The following TCERG1L variants were observed in gnomAD, a reference collection of about 807,000 sequenced individuals.
The protein encoded by TCERG1L is transcription elongation regulator 1-like protein.
Under a neutral mutation model 56.3 loss-of-function variants are expected in TCERG1L, and 37 were observed. That is an observed-to-expected ratio of 0.66 (90% CI 0.51 to 0.87). The LOEUF is 0.87. Ranked by LOEUF, TCERG1L falls within the 40% of genes least tolerant of loss-of-function variation. The pLI, the probability that TCERG1L is intolerant of heterozygous loss-of-function variation, is 0.00. For missense variants in TCERG1L, 799 were observed against 774.2 expected (o/e 1.03, Z -0.38); for synonymous variants, 324 against 326.3 (o/e 0.99, Z 0.08).
At chr10:131,228,825 T>C (rs2918165) in intron 4 of TCERG1L, among the ~76,000 whole-genome samples, 85 of 52,700 alleles carry the variant, frequency 1.6e-3, no homozygotes, top group African/African-American at 3.1e-3. Flanking sequence ...TCCGGAGTCT[T>C]CCCTCCAGAC....
Position 131,296,250 on chromosome 10 carries a change from G to A in TCERG1L, c.670+11961C>T, listed in dbSNP as rs1249759021. Among the ~76,000 whole-genome samples the A allele has an allele frequency of 3.3e-5, 5 of 152,164 alleles. No individual in the cohort carries two copies. In the East Asian group the frequency reaches 7.7e-4, roughly 23 times the overall value. On this transcript the variant is annotated intron_variant, in intron 3 of 11. Transcript: ENST00000368642. ...TTCAGAATTTAGTTTTTGGTTTCAC[G>A]ACTCGATCAACCATCTATTTTGAGT...
In TCERG1L at chr10:131,122,322, G is replaced by A. The variant is rs12572603; in HGVS notation, c.1260-5388C>T. 5.2e-3 allele frequency among the ~76,000 whole-genome samples: 799 copies of A among 152,250 alleles called. 41 individuals carry two copies. In the East Asian group the frequency reaches 0.12, roughly 22 times the overall value. On this transcript the variant is annotated intron_variant, in intron 8 of 11. Transcript: ENST00000368642. The stretch of plus-strand genomic sequence containing the variant: ...TCTTAGTTTCAAGGAAGGGGCTGGC[G>A]TGTCAGGAAACACCAGCCCTGAAGA...
chr10:131,151,110 C>T lies in TCERG1L; in HGVS notation c.1035-4450G>A, dbSNP rs139015973. On this transcript the variant is annotated intron_variant, in intron 6 of 11. Transcript: ENST00000368642. ...TGAGATTTGGGTGGGGACACAAAGCCAAACCATATCATTCCACCACTGGTC... is the reference window on the plus strand; with the variant it reads ...TGAGATTTGGGTGGGGACACAAAGCTAAACCATATCATTCCACCACTGGTC... Among the ~76,000 whole-genome samples, 14 of 152,300 alleles carry T rather than the reference C, an allele frequency of 9.2e-5. No homozygotes were observed. The East Asian group carries it at 2.7e-3, about 29-fold the overall frequency.
At chr10:131,273,925 A>G (rs1263860791) in intron 3 of TCERG1L, among the ~76,000 whole-genome samples, 1 of 152,236 alleles carries the variant, frequency 6.6e-6, no homozygotes, top group Non-Finnish European at 1.5e-5. Context: ...TTCCCCCGTG[A>G]AAAGCTTCCC....
chr10:131,093,619 C>G (rs531826245), intron 11 of TCERG1L, among the ~76,000 whole-genome samples: 7 of 152,218 alleles, frequency 4.6e-5, no homozygotes, highest in African/African-American at 1.7e-4. Context: ...CTCCCCCAGC[C>G]GCCCCGATCA....
intron 4 of TCERG1L, among the ~76,000 whole-genome samples, chr10:131,233,457 GACACACAC>G (rs143588165): frequency 4.0e-5 from 6 of 149,876 alleles, no homozygotes; most frequent in Non-Finnish European, 7.4e-5. Context: ...CATGCACACA[GACACACAC>G]ACACACACAG....
intron 8 of TCERG1L, among the ~76,000 whole-genome samples, chr10:131,131,038 G>C (rs781657167): frequency 1.2e-4 from 19 of 152,152 alleles, no homozygotes; most frequent in Non-Finnish European, 2.2e-4. Context: ...ACCCACGCAA[G>C]CTACACTGTG....
chr10:131,119,285 C>A (rs1353896257), intron 8 of TCERG1L, among the ~76,000 whole-genome samples: 2 of 152,028 alleles, frequency 1.3e-5, no homozygotes, highest in Non-Finnish European at 2.9e-5. Flanking sequence ...TGGATTAATC[C>A]CAACGAATAC....
intron 6 of TCERG1L, among the ~76,000 whole-genome samples, chr10:131,159,487 T>C (rs1845955644): frequency 6.6e-6 from 1 of 152,114 alleles, no homozygotes; most frequent in African/African-American, 2.4e-5. Context: ...AAAGACACCC[T>C]TTCTAAGCAT....
chr10:131,253,445 T>C (rs547219894), intron 4 of TCERG1L, among the ~76,000 whole-genome samples: 3 of 152,136 alleles, frequency 2.0e-5, no homozygotes, highest in Admixed American at 6.5e-5. Context: ...CTTGAAAATT[T>C]TGGATTCTGG....
chr10:131,160,583 G>A (rs994413863), intron 6 of TCERG1L: 1 of 152,192 alleles, frequency 6.6e-6, no homozygotes, highest in African/African-American at 2.4e-5. Flanking sequence ...CTAAGTCCTC[G>A]TCCTGCATGG....
At chr10:131,096,204 A>G (rs1345947601) in intron 11 of TCERG1L, among the ~76,000 whole-genome samples, 1 of 152,204 alleles carries the variant, frequency 6.6e-6, no homozygotes, top group East Asian at 1.9e-4. Flanking sequence ...TGGCCAGGAG[A>G]AGATGGGCCA....
chr10:131,119,968 G>C (rs1194502241), intron 8 of TCERG1L, among the ~76,000 whole-genome samples: 1 of 152,156 alleles, frequency 6.6e-6, no homozygotes, highest in Non-Finnish European at 1.5e-5. Context: ...CTTTAACCAG[G>C]CTAGGTGCTC....
At chr10:131,240,660 A>C (rs773796377) in intron 4 of TCERG1L, among the ~76,000 whole-genome samples, 1 of 152,168 alleles carries the variant, frequency 6.6e-6, no homozygotes, top group Non-Finnish European at 1.5e-5. Context: ...CGCGTTTTCT[A>C]AAAATACGCC....
intron 4 of TCERG1L, among the ~76,000 whole-genome samples, chr10:131,244,765 A>G (rs1846013830): frequency 6.6e-6 from 1 of 152,166 alleles, no homozygotes; most frequent in African/African-American, 2.4e-5. Context: ...CTGTGGACGA[A>G]GTCACCTGCG....
chr10:131,310,571 T>C (rs1846876436), intron 1 of TCERG1L, among the ~76,000 whole-genome samples: 1 of 152,264 alleles, frequency 6.6e-6, no homozygotes, highest in African/African-American at 2.4e-5. Context: ...CAATGAATCT[T>C]GCCCAAACCA....
At chr10:131,269,939 C>G (rs76632618) in intron 3 of TCERG1L, among the ~76,000 whole-genome samples, 15,512 of 152,222 alleles carry the variant, frequency 0.1, 1,021 homozygotes, top group African/African-American at 0.18. Context: ...CCGCAACCCA[C>G]AGAGAGCCCA....
chr10:131,129,216 A>G (rs1020308461), intron 8 of TCERG1L, among the ~76,000 whole-genome samples: 2 of 152,142 alleles, frequency 1.3e-5, no homozygotes, highest in Non-Finnish European at 2.9e-5. Flanking sequence ...AGGAAAAAAA[A>G]AAGAAAACAG....
chr10:131,299,882 C>T (rs542311252), intron 3 of TCERG1L, among the ~76,000 whole-genome samples: 3 of 152,144 alleles, frequency 2.0e-5, no homozygotes, highest in East Asian at 1.9e-4. Context: ...TAATTTTACA[C>T]ATTATATAAC....
Sources: gnomAD v4.1 joint callset for allele counts (sites outside exome capture counted in the v4.1 genomes callset) on GRCh38, gnomAD v4.1.1 for gene constraint, MANE v1.5 for transcripts, NCBI Gene and HGNC (gene_info 2026-07-23, HGNC 2026-07-21) for gene names.